The following SORCS2 variants were observed in gnomAD, a reference collection of about 807,000 sequenced individuals.
SORCS2 encodes sortilin related VPS10 domain containing receptor 2.
A neutral mutation model predicts 141.6 loss-of-function variants in SORCS2; 100 were observed. That is an observed-to-expected ratio of 0.71 (90% CI 0.60 to 0.83). The LOEUF is 0.83. Among genes scored for constraint, SORCS2 ranks in the 40% least tolerant of loss-of-function variants. The pLI, the probability that SORCS2 is intolerant of heterozygous loss-of-function variation, is 0.00. For missense variants in SORCS2, 1,646 were observed against 1,560.2 expected (o/e 1.05, Z -0.93); for synonymous variants, 789 against 676.9 (o/e 1.17, Z -2.57).
At chr4:7,280,141 A>G (rs1467453119) in intron 1 of SORCS2, among the ~76,000 whole-genome samples, 1 of 152,162 alleles carries the variant, frequency 6.6e-6, no homozygotes, top group Non-Finnish European at 1.5e-5. Context: ...TCCTAAGGAC[A>G]AAAGAGTCAA....
intron 1 of SORCS2, among the ~76,000 whole-genome samples, chr4:7,202,209 G>A (rs1727519924): frequency 6.6e-6 from 1 of 152,170 alleles, no homozygotes; most frequent in South Asian, 2.1e-4. Context: ...GCCCGCTGAG[G>A]GCAACAGCAA....
intron 2 of SORCS2, among the ~76,000 whole-genome samples, chr4:7,468,321 C>T (rs928589798): frequency 2.6e-5 from 4 of 152,194 alleles, no homozygotes; most frequent in African/African-American, 4.8e-5. Context: ...CTGCAGCACC[C>T]GAAGCCTCGT....
intron 26 of SORCS2, 157 bp downstream of exon 26, chr4:7,737,329 G>T (rs1039858662): frequency 2.0e-6 from 2 of 995,534 alleles, no homozygotes; most frequent in African/African-American, 1.6e-5. Context: ...GGCCCACTGT[G>T]TCCCCTCCAT....
chr4:7,602,476 C>T (rs1221917360), intron 3 of SORCS2, among the ~76,000 whole-genome samples: 62 of 150,530 alleles, frequency 4.1e-4, no homozygotes, highest in African/African-American at 1.4e-3. Context: ...ACATCCCAGA[C>T]GGGGCGGCGG....
intron 1 of SORCS2, among the ~76,000 whole-genome samples, chr4:7,394,194 C>T (rs558290300): frequency 1.3e-5 from 2 of 152,130 alleles, no homozygotes; most frequent in Non-Finnish European, 2.9e-5. Context: ...TGGGCACTGG[C>T]CTCTGCCCGA....
At chr4:7,530,400 TC>T (rs1711544509) in intron 2 of SORCS2, among the ~76,000 whole-genome samples, 1 of 152,044 alleles carries the variant, frequency 6.6e-6, no homozygotes, top group Non-Finnish European at 1.5e-5. Flanking sequence ...TTGCCCCCAG[TC>T]CCCTGAGCTC....
chr4:7,686,743 T>C (rs1157486922), intron 10 of SORCS2, among the ~76,000 whole-genome samples: 1 of 152,212 alleles, frequency 6.6e-6, no homozygotes, highest in Non-Finnish European at 1.5e-5. Context: ...ATTGCCCTTC[T>C]TTTCACCTGG....
At chr4:7,334,629 A>G (rs542945404) in intron 1 of SORCS2, among the ~76,000 whole-genome samples, 1 of 152,300 alleles carries the variant, frequency 6.6e-6, no homozygotes, top group African/African-American at 2.4e-5. Context: ...ACAGGGATTC[A>G]GAGGCGGGGA....
intron 1 of SORCS2, among the ~76,000 whole-genome samples, chr4:7,372,829 C>A (rs10029954): frequency 6.6e-6 from 1 of 151,808 alleles, no homozygotes; most frequent in Non-Finnish European, 1.5e-5. Context: ...CATCTGTGAC[C>A]TTCCGGGCCT....
chr4:7,362,704 C>T (rs67254856), intron 1 of SORCS2, among the ~76,000 whole-genome samples: 49,208 of 151,138 alleles, frequency 0.33, 8,651 homozygotes, highest in African/African-American at 0.45. Flanking sequence ...TCCACCATCA[C>T]TACCACCATC....
At chr4:7,334,543 T>C (rs1405333578) in intron 1 of SORCS2, among the ~76,000 whole-genome samples, 3 of 151,974 alleles carry the variant, frequency 2.0e-5, no homozygotes, top group African/African-American at 7.3e-5. Flanking sequence ...GCTTGAGGGG[T>C]GGCAGCTGAA....
At chr4:7,559,363 G>A (rs1283659422) in intron 3 of SORCS2, among the ~76,000 whole-genome samples, 2 of 152,216 alleles carry the variant, frequency 1.3e-5, no homozygotes, top group Admixed American at 1.3e-4. Flanking sequence ...AGCCACTCTA[G>A]GGGACCGATG....
chr4:7,447,885 C>G (rs537259627), intron 2 of SORCS2, among the ~76,000 whole-genome samples: 2 of 152,302 alleles, frequency 1.3e-5, no homozygotes, highest in East Asian at 3.9e-4. Flanking sequence ...ACTGCAGATA[C>G]GGCAGAGGTG....
chr4:7,382,739 A>G (rs1242807310), intron 1 of SORCS2, among the ~76,000 whole-genome samples: 1 of 150,052 alleles, frequency 6.7e-6, no homozygotes, highest in Non-Finnish European at 1.5e-5. Context: ...GATGGTCTGC[A>G]GGTCTGGGGG....
chr4:7,196,445 G>T (rs1355648032), intron 1 of SORCS2, among the ~76,000 whole-genome samples: 2 of 152,212 alleles, frequency 1.3e-5, no homozygotes, highest in African/African-American at 2.4e-5. Flanking sequence ...TGGGCTTATT[G>T]TGCTTATTTT....
chr4:7,269,788 C>A (rs913770877), intron 1 of SORCS2, among the ~76,000 whole-genome samples: 3 of 152,230 alleles, frequency 2.0e-5, no homozygotes, highest in Non-Finnish European at 4.4e-5. Flanking sequence ...GTGCCCAGAA[C>A]TGTGATGAAA....
chr4:7,739,984 G>A (rs963908533), intron 26 of SORCS2, among the ~76,000 whole-genome samples: 47 of 152,128 alleles, frequency 3.1e-4, no homozygotes, highest in African/African-American at 1.0e-3. Flanking sequence ...GGCCCTCTGG[G>A]GCCCACTGCT....
intron 2 of SORCS2, among the ~76,000 whole-genome samples, chr4:7,402,313 A>T (rs1259394538): frequency 6.6e-6 from 1 of 152,204 alleles, no homozygotes; most frequent in African/African-American, 2.4e-5. Context: ...GGTGTGGGTC[A>T]TCCCCCTTTT....
chr4:7,199,737 T>C (rs1233301846), intron 1 of SORCS2, among the ~76,000 whole-genome samples: 1 of 151,990 alleles, frequency 6.6e-6, no homozygotes, highest in African/African-American at 2.4e-5. Context: ...CTCATCCAAG[T>C]TCAACAGATG....
Sources: allele counts gnomAD v4.1 joint callset (sites outside exome capture counted in the v4.1 genomes callset), GRCh38; gene constraint gnomAD v4.1.1; transcripts MANE v1.5; gene names NCBI Gene and HGNC (gene_info 2026-07-23, HGNC 2026-07-21).